The following MDGA2 variants were observed in gnomAD, a reference collection of about 807,000 sequenced individuals.
The protein encoded by MDGA2 is MAM domain containing glycosylphosphatidylinositol anchor 2.
In MDGA2, 40 loss-of-function variants were observed where a neutral mutation model predicts 117.8. The ratio of observed to expected loss-of-function variants is 0.34; its 90% CI spans 0.26 to 0.44. The LOEUF (loss-of-function observed/expected upper bound fraction) is 0.44, where lower values mean the gene tolerates loss of function less well. Ranked by LOEUF, MDGA2 falls within the 20% of genes least tolerant of loss-of-function variation. The pLI is 1.00. For missense variants in MDGA2, 1,123 were observed against 1,250.6 expected (o/e 0.90, Z 1.54); for synonymous variants, 452 against 439.0 (o/e 1.03, Z -0.37).
At chr14:47,635,324 C>T (rs1235515130) in intron 1 of MDGA2, among the ~76,000 whole-genome samples, 1 of 151,938 alleles carries the variant, frequency 6.6e-6, no homozygotes, top group Admixed American at 6.6e-5. Context: ...CAGATAAATG[C>T]CTACATTATG....
At chr14:46,862,583 C>T (rs1168649070) in intron 14 of MDGA2, among the ~76,000 whole-genome samples, 1 of 151,516 alleles carries the variant, frequency 6.6e-6, no homozygotes, top group African/African-American at 2.4e-5. Flanking sequence ...CATACATATT[C>T]CCCATAGAGT....
intron 6 of MDGA2, among the ~76,000 whole-genome samples, chr14:47,063,746 A>G (rs907107589): frequency 2.5e-4 from 38 of 151,830 alleles, no homozygotes. Flanking sequence ...TTATTATTGC[A>G]TATAATAATT....
intron 1 of MDGA2, among the ~76,000 whole-genome samples, chr14:47,600,507 A>C (rs183837445): frequency 1.4e-4 from 21 of 152,258 alleles, no homozygotes; most frequent in African/African-American, 4.8e-4. Context: ...TTCTTATTGA[A>C]TGAATGTCTA....
intron 3 of MDGA2, among the ~76,000 whole-genome samples, chr14:47,213,086 G>A (rs928018452): frequency 1.3e-5 from 2 of 151,612 alleles, no homozygotes; most frequent in African/African-American, 4.8e-5. Context: ...TCTTAGTTTT[G>A]GAGGAAAATA....
At chr14:47,250,569 C>T (rs567781908) in intron 2 of MDGA2, among the ~76,000 whole-genome samples, 2 of 152,182 alleles carry the variant, frequency 1.3e-5, no homozygotes, top group South Asian at 2.1e-4. Context: ...GGGACTGAAT[C>T]GACTAGAGTT....
chr14:47,483,865 T>C (rs1019566746), intron 1 of MDGA2, among the ~76,000 whole-genome samples: 2 of 152,194 alleles, frequency 1.3e-5, no homozygotes, highest in African/African-American at 2.4e-5. Flanking sequence ...GGACATATTC[T>C]AGCCCCCAAG....
chr14:47,053,118 A>G (rs1220489355), intron 7 of MDGA2, among the ~76,000 whole-genome samples: 1 of 151,970 alleles, frequency 6.6e-6, no homozygotes, highest in African/African-American at 2.4e-5. Flanking sequence ...AAAGCTTTCC[A>G]CTGCATGGAT....
chr14:46,921,449 G>GA (rs71448144), intron 9 of MDGA2, among the ~76,000 whole-genome samples: 29,832 of 141,264 alleles, frequency 0.21, 3,359 homozygotes, highest in African/African-American at 0.31. Context: ...ACCAGAAAAA[G>GA]AAAAAAAAAA....
At chr14:47,119,185 C>G (rs1566635363) in intron 5 of MDGA2, among the ~76,000 whole-genome samples, 4 of 53,228 alleles carry the variant, frequency 7.5e-5, no homozygotes, top group Non-Finnish European at 2.0e-4. Flanking sequence ...CCCCCCCCCC[C>G]CCACCCCGTA....
chr14:47,333,872 G>T, intron 1 of MDGA2, among the ~76,000 whole-genome samples: 1 of 151,766 alleles, frequency 6.6e-6, no homozygotes, highest in South Asian at 2.1e-4. Flanking sequence ...AAATATATTT[G>T]TAGTAGTAGT....
At chr14:47,495,039 T>C (rs926512835) in intron 1 of MDGA2, among the ~76,000 whole-genome samples, 23 of 152,004 alleles carry the variant, frequency 1.5e-4, no homozygotes, top group African/African-American at 5.6e-4. Context: ...GATTAGATAT[T>C]TGTATGGGTA....
chr14:47,057,094 C>T (rs892777198), intron 7 of MDGA2, among the ~76,000 whole-genome samples: 1 of 151,776 alleles, frequency 6.6e-6, no homozygotes, highest in Non-Finnish European at 1.5e-5. Flanking sequence ...GAATATCAGC[C>T]CTACAGTAAA....
intron 8 of MDGA2, among the ~76,000 whole-genome samples, chr14:46,990,140 A>G (rs12889861): frequency 0.27 from 40,884 of 151,904 alleles, 6,028 homozygotes; most frequent in East Asian, 0.53. Flanking sequence ...TTCAATTTCA[A>G]TGAGGATAAC....
At chr14:46,978,160 T>C (rs1226956959) in intron 8 of MDGA2, among the ~76,000 whole-genome samples, 11 of 151,986 alleles carry the variant, frequency 7.2e-5, no homozygotes, top group Admixed American at 7.2e-4. Context: ...AAAATGATTA[T>C]AATTCCAGTA....
At chr14:47,452,288 G>T (rs987251819) in intron 1 of MDGA2, among the ~76,000 whole-genome samples, 3 of 152,074 alleles carry the variant, frequency 2.0e-5, no homozygotes, top group African/African-American at 7.2e-5. Context: ...AGATTGGATG[G>T]CCTGTAGATT....
chr14:47,590,519 C>T (rs1252165146), intron 1 of MDGA2, among the ~76,000 whole-genome samples: 1 of 151,738 alleles, frequency 6.6e-6, no homozygotes, highest in Non-Finnish European at 1.5e-5. Context: ...AATTGGAGGT[C>T]TGTCTTCATT....
In MDGA2 at chr14:47,101,075, CGATAGATAGATA is replaced by C. The variant is rs57541385; in HGVS notation, c.926-3964_926-3953del. The stretch of plus-strand genomic sequence containing the variant: ...TGGGGATACTTGATGAATGGAGGGA[CGATAGATAGATA>C]GATAGATAGATAGATAGATAGATAG... On this transcript the variant is annotated intron_variant, in intron 5 of 16. Coordinates refer to ENST00000399232, the MANE Select transcript of MDGA2 (RefSeq NM_001113498.3). Among the ~76,000 whole-genome samples, 853 of 140,216 alleles carry C rather than the reference CGATAGATAGATA, an allele frequency of 6.1e-3. 10 individuals carry two copies. The highest frequency in any genetic ancestry group is 0.032 in the Admixed American group (438 of 13,828). 92.0% of individuals were successfully genotyped at this position (140,216 alleles called of 152,430 possible).
chr14:47,191,871 G>GA (rs143753861), intron 3 of MDGA2, among the ~76,000 whole-genome samples: 14,198 of 152,098 alleles, frequency 0.093, 801 homozygotes, highest in African/African-American at 0.15. Flanking sequence ...AGCACATAGG[G>GA]AGGGAATACC....
chr14:46,841,877 T>A lies in MDGA2; in HGVS notation c.*54A>T. The A allele has an allele frequency of 8.4e-7, 1 of 1,195,394 alleles. No homozygotes were observed. Among genetic ancestry groups the A allele is most frequent in the Non-Finnish European group, 1.2e-6 (1 of 821,700 alleles). 74.0% of individuals were successfully genotyped at this position (1,195,394 alleles called of 1,614,324 possible). Reference sequence around the variant, plus strand: ...TTGTTCAATGTCCATTTACAAAGACTCTTTCTTCATGCCAGTGCCTGGTGA... The same window carrying A: ...TTGTTCAATGTCCATTTACAAAGACACTTTCTTCATGCCAGTGCCTGGTGA... On this transcript the variant is annotated 3_prime_UTR_variant, in exon 17 of 17. Transcript: ENST00000399232.
Sources: allele counts gnomAD v4.1 joint callset (sites outside exome capture counted in the v4.1 genomes callset), GRCh38; gene constraint gnomAD v4.1.1; transcripts MANE v1.5; gene names NCBI Gene and HGNC (gene_info 2026-07-23, HGNC 2026-07-21).